Variants in PITPNC1 observed in about 807,000 individuals in gnomAD.
The protein encoded by PITPNC1 is phosphatidylinositol transfer protein cytoplasmic 1.
PITPNC1 carries 18 observed loss-of-function variants against 44.7 expected under a neutral mutation model. The ratio of observed to expected loss-of-function variants is 0.40; its 90% CI spans 0.28 to 0.60. The LOEUF (loss-of-function observed/expected upper bound fraction) is 0.60, where lower values mean the gene tolerates loss of function less well. Among genes scored for constraint, PITPNC1 ranks in the 20% least tolerant of loss-of-function variants. PITPNC1 has a pLI of 0.39. For synonymous variants in PITPNC1, 141 were observed against 149.6 expected (o/e 0.94, Z 0.42); for missense variants, 290 against 418.4 (o/e 0.69, Z 2.68).
intron 6 of PITPNC1, among the ~76,000 whole-genome samples, chr17:67,637,049 A>G (rs1337510310): frequency 6.6e-6 from 1 of 152,182 alleles, no homozygotes; most frequent in Non-Finnish European, 1.5e-5. Flanking sequence ...CTTCTAGATC[A>G]TGCTAGGTTA....
intron 5 of PITPNC1, among the ~76,000 whole-genome samples, chr17:67,608,138 A>G (rs2041633466): frequency 6.6e-6 from 1 of 151,334 alleles, no homozygotes; most frequent in African/African-American, 2.4e-5. Context: ...ATACAATACT[A>G]TTATCTGATA....
intron 5 of PITPNC1, among the ~76,000 whole-genome samples, chr17:67,591,334 C>T (rs965532891): frequency 6.6e-6 from 1 of 152,166 alleles, no homozygotes; most frequent in Non-Finnish European, 1.5e-5. Context: ...TGATCCTGGA[C>T]TGGAACCTAA....
rs557108724 is a variant in PITPNC1, at chr17:67,630,078, G to A, written c.367-2065G>A. On this transcript the variant is annotated intron_variant, in intron 5 of 8. Transcript: ENST00000581322. ...TTTCAAGTAACTTGAGAATCCAACCGAGATGAGTTGAGCCTATAAAGAGCC... is the reference window on the plus strand; with the variant it reads ...TTTCAAGTAACTTGAGAATCCAACCAAGATGAGTTGAGCCTATAAAGAGCC... Among the ~76,000 whole-genome samples the A allele has an allele frequency of 7.9e-5, 12 of 152,316 alleles. No homozygotes were observed. In the South Asian group the frequency reaches 2.1e-3, roughly 26 times the overall value.
intron 1 of PITPNC1, among the ~76,000 whole-genome samples, chr17:67,435,775 C>T (rs1333416665): frequency 6.6e-6 from 1 of 152,098 alleles, no homozygotes; most frequent in Non-Finnish European, 1.5e-5. Context: ...TCGCTTGAAC[C>T]TGGGAGGAGG....
rs1158917120 is a variant in PITPNC1, at chr17:67,631,643, A to ATATAT, written c.367-500_367-499insTATAT. On this transcript the variant is annotated intron_variant, in intron 5 of 8. Coordinates refer to ENST00000581322, the MANE Select transcript of PITPNC1 (RefSeq NM_012417.4). Reference sequence around the variant, plus strand: ...GACTCCGTCTCAAAAACCAAAAAAAAAAAAAAAAAAAAAAATATATATATA... The same window carrying ATATAT: ...GACTCCGTCTCAAAAACCAAAAAAAATATATAAAAAAAAAAAAAAATATATATATA... 1.9e-3 allele frequency among the ~76,000 whole-genome samples: 16 copies of ATATAT among 8,238 alleles called. No homozygotes were observed. In the East Asian group the frequency reaches 0.023, roughly 12 times the overall value. The allele number at this position is 8,238 out of a possible 152,430, so 5.4% of individuals were successfully genotyped here. A position where few individuals can be genotyped will look rare whatever the true frequency, so the allele number is the denominator to read the frequency against.
intron 6 of PITPNC1, among the ~76,000 whole-genome samples, chr17:67,667,807 C>T (rs1035747683): frequency 1.3e-5 from 2 of 151,982 alleles, no homozygotes; most frequent in Non-Finnish European, 1.5e-5. Context: ...TGGCAAAACC[C>T]GGTCTCTATT....
At chr17:67,397,377 A>T (rs895656959) in intron 1 of PITPNC1, among the ~76,000 whole-genome samples, 6 of 152,190 alleles carry the variant, frequency 3.9e-5, no homozygotes, top group Non-Finnish European at 8.8e-5. Flanking sequence ...TCACGGATTC[A>T]TCTATTTTTC....
intron 5 of PITPNC1, among the ~76,000 whole-genome samples, chr17:67,586,021 G>A (rs1303570946): frequency 6.6e-6 from 1 of 152,154 alleles, no homozygotes; most frequent in Non-Finnish European, 1.5e-5. Flanking sequence ...ACAAACTAAT[G>A]CAGGGAGCAA....
chr17:67,552,456 G>T, intron 3 of PITPNC1, 111 bp downstream of exon 3: 1 of 679,186 alleles, frequency 1.5e-6, no homozygotes, highest in Non-Finnish European at 2.6e-6. Context: ...TGGGAGCCCC[G>T]TAGTATCCCT....
At chr17:67,582,510 T>C (rs2041248832) in intron 5 of PITPNC1, among the ~76,000 whole-genome samples, 1 of 152,140 alleles carries the variant, frequency 6.6e-6, no homozygotes, top group Non-Finnish European at 1.5e-5. Context: ...ATGATAGTGG[T>C]TGAATCGAGT....
At chr17:67,590,239 G>A (rs991799826) in intron 5 of PITPNC1, among the ~76,000 whole-genome samples, 1 of 152,080 alleles carries the variant, frequency 6.6e-6, no homozygotes, top group Non-Finnish European at 1.5e-5. Context: ...GAATTAAAAC[G>A]AAATAAATGA....
chr17:67,619,699 C>T (rs1432392026), intron 5 of PITPNC1, among the ~76,000 whole-genome samples: 1 of 152,188 alleles, frequency 6.6e-6, no homozygotes, highest in Non-Finnish European at 1.5e-5. Context: ...AGGTGCTCCT[C>T]TGAGAGCTTT....
chr17:67,420,247 C>T (rs533647143), intron 1 of PITPNC1, among the ~76,000 whole-genome samples: 8 of 152,090 alleles, frequency 5.3e-5, no homozygotes, highest in African/African-American at 1.9e-4. Flanking sequence ...ACTAAGTGCC[C>T]CTGGGTACAG....
intron 1 of PITPNC1, 36 bp downstream of exon 1, chr17:67,378,238 G>A (rs2037901206): frequency 2.1e-6 from 3 of 1,403,792 alleles, no homozygotes; most frequent in South Asian, 1.4e-5. Context: ...CGCCCGCTCC[G>A]GGACCCCCGC....
intron 1 of PITPNC1, among the ~76,000 whole-genome samples, chr17:67,511,226 A>G (rs778084542): frequency 2.0e-5 from 3 of 152,186 alleles, no homozygotes; most frequent in Non-Finnish European, 4.4e-5. Flanking sequence ...TGGATGTACC[A>G]TGATTTATCT....
At chr17:67,550,301 G>A (rs926382280) in intron 2 of PITPNC1, among the ~76,000 whole-genome samples, 1 of 152,032 alleles carries the variant, frequency 6.6e-6, no homozygotes, top group African/African-American at 2.4e-5. Flanking sequence ...CTCCACTTCC[G>A]GGGAACTTTG....
chr17:67,407,557 C>G (rs1455237211), intron 1 of PITPNC1, among the ~76,000 whole-genome samples: 1 of 152,026 alleles, frequency 6.6e-6, no homozygotes, highest in African/African-American at 2.4e-5. Context: ...AATCCCAGCA[C>G]TTTGGGGGGC....
intron 1 of PITPNC1, among the ~76,000 whole-genome samples, chr17:67,394,455 T>C (rs2038185818): frequency 6.6e-6 from 1 of 152,238 alleles, no homozygotes; most frequent in South Asian, 2.1e-4. Flanking sequence ...AACATTTTTC[T>C]AGATACTTTC....
chr17:67,565,297 G>A (rs1165147990), intron 4 of PITPNC1, among the ~76,000 whole-genome samples: 1 of 145,188 alleles, frequency 6.9e-6, no homozygotes, highest in Non-Finnish European at 1.5e-5. Flanking sequence ...GTGTATATTA[G>A]TTTTCCATGT....
Sources: gnomAD v4.1 joint callset for allele counts (sites outside exome capture counted in the v4.1 genomes callset) on GRCh38, gnomAD v4.1.1 for gene constraint, MANE v1.5 for transcripts, NCBI Gene and HGNC (gene_info 2026-07-23, HGNC 2026-07-21) for gene names.